Variants in LRRC28 observed in about 807,000 individuals in gnomAD.
LRRC28 encodes the protein leucine-rich repeat-containing protein 28.
LRRC28 carries 39 observed loss-of-function variants against 45.7 expected under a neutral mutation model. That is an observed-to-expected ratio of 0.85 (90% confidence interval 0.66 to 1.12). LRRC28 has a LOEUF of 1.12. Ranked by LOEUF, LRRC28 falls within the 50% of genes most tolerant of loss-of-function variation. The pLI is 0.00. For synonymous variants in LRRC28, 206 were observed against 178.8 expected (o/e 1.15, Z -1.22); for missense variants, 435 against 438.5 (o/e 0.99, Z 0.07).
Position 99,389,146 on chromosome 15 carries a change from C to T in LRRC28, c.*3044C>T, listed in dbSNP as rs1378206444. 6.6e-6 allele frequency: 1 copy of T among 152,212 alleles called. No homozygotes were observed. Among genetic ancestry groups the T allele is most frequent in the Non-Finnish European group, 1.5e-5 (1 of 68,040 alleles). 9.4% of individuals were successfully genotyped at this position (152,212 alleles called of 1,614,324 possible). A position where few individuals can be genotyped will look rare whatever the true frequency, so the allele number is the denominator to read the frequency against. On this transcript the variant is annotated 3_prime_UTR_variant, in exon 10 of 10. Coordinates refer to ENST00000301981, the MANE Select transcript of LRRC28 (RefSeq NM_144598.5). ...AACTTCTTTGTTACCTGACCCTTCT[C>T]TTCTGGAAAAGTGAGGTGTACATTA...
chr15:99,376,189 A>G (rs1957625749), intron 9 of LRRC28, among the ~76,000 whole-genome samples: 2 of 152,106 alleles, frequency 1.3e-5, no homozygotes, highest in Admixed American at 6.5e-5. Context: ...TGTATGTTTT[A>G]AGTTCCTTTG....
At chr15:99,274,517 T>C (rs192377059) in intron 2 of LRRC28, among the ~76,000 whole-genome samples, 31 of 152,324 alleles carry the variant, frequency 2.0e-4, no homozygotes, top group African/African-American at 7.2e-4. Context: ...AGATCTCAAA[T>C]TGTATATAAC....
At chr15:99,367,700 G>A (rs147504447) in intron 9 of LRRC28, among the ~76,000 whole-genome samples, 1 of 152,314 alleles carries the variant, frequency 6.6e-6, no homozygotes, top group African/African-American at 2.4e-5. Context: ...GACGTATAAA[G>A]CAAGGCTTGT....
At chr15:99,276,412 A>G (rs1024670091) in intron 2 of LRRC28, among the ~76,000 whole-genome samples, 164 bp from the exon 3 acceptor site, 4 of 152,148 alleles carry the variant, frequency 2.6e-5, no homozygotes, top group African/African-American at 9.7e-5. Flanking sequence ...TTTAAATTGT[A>G]GTATGGTCTC....
chr15:99,321,337 A>T (rs1343534240), intron 5 of LRRC28, among the ~76,000 whole-genome samples: 3 of 152,202 alleles, frequency 2.0e-5, no homozygotes, highest in Admixed American at 2.0e-4. Flanking sequence ...GTATAGTCTA[A>T]GTTATGCATG....
At chr15:99,338,996 G>A (rs1396804524) in intron 6 of LRRC28, among the ~76,000 whole-genome samples, 1 of 152,218 alleles carries the variant, frequency 6.6e-6, no homozygotes, top group East Asian at 1.9e-4. Flanking sequence ...TCAGCAAGGA[G>A]GAGGGAAAGC....
At position 99,352,439 on chromosome 15, in the gene LRRC28, T is replaced by G. The variant is rs765847519; in HGVS notation, c.663T>G (p.Ser221=). 1.9e-6 allele frequency: 3 copies of G among 1,613,936 alleles called. No individual in the cohort carries two copies. Among genetic ancestry groups the G allele is most frequent in the Non-Finnish European group, 2.5e-6 (3 of 1,179,972 alleles). The change falls in exon 7 of 10, where the codon TCT becomes TCG. Residue 221 remains serine, a synonymous_variant. Transcript: ENST00000301981. Reference sequence around the variant, plus strand: ...ACATTCACCTGAAAGGCTTGCCATCTTATCTGTACAATAAAGTCATCGGGT... The same window carrying G: ...ACATTCACCTGAAAGGCTTGCCATCGTATCTGTACAATAAAGTCATCGGGT... ...DNNIHLKGLP[S]YLYNKVIGCS...
chr15:99,379,502 G>C (rs1304297781), intron 9 of LRRC28, among the ~76,000 whole-genome samples: 4 of 151,998 alleles, frequency 2.6e-5, no homozygotes, highest in Non-Finnish European at 5.9e-5. Context: ...CTCCTGGATT[G>C]ATTGATTTTT....
At chr15:99,333,142 A>G (rs1334625654) in intron 5 of LRRC28, among the ~76,000 whole-genome samples, 1 of 152,194 alleles carries the variant, frequency 6.6e-6, no homozygotes, top group Non-Finnish European at 1.5e-5. Flanking sequence ...GAGAAGGACT[A>G]AGTTCCTTGT....
intron 6 of LRRC28, among the ~76,000 whole-genome samples, chr15:99,341,257 A>G (rs1956502033): frequency 6.6e-6 from 1 of 151,660 alleles, no homozygotes; most frequent in South Asian, 2.1e-4. Context: ...TGGATGGCTA[A>G]TTTTTGTATT....
rs35435895 is a variant in LRRC28 at position 99,292,359 on chromosome 15, C to CTTTT, written c.385+4421_385+4424dup. On this transcript the variant is annotated intron_variant, in intron 5 of 9. Transcript: ENST00000301981. Reference sequence around the variant, plus strand: ...CAGGGGGATTTATTAATCGTACAGTCTTTTTTTTTTTTTTTTGAAACGGAG... The same window carrying CTTTT: ...CAGGGGGATTTATTAATCGTACAGTCTTTTTTTTTTTTTTTTTTTTGAAACGGAG... Among the ~76,000 whole-genome samples the CTTTT allele has an allele frequency of 4.1e-4, 54 of 133,108 alleles. 1 individual carries two copies. The highest frequency in any genetic ancestry group is 9.8e-4 in the African/African-American group (35 of 35,730). The allele number at this position is 133,108 out of a possible 152,430, so 87.3% of individuals were successfully genotyped here.
At chr15:99,272,729 C>G (rs935700967) in intron 2 of LRRC28, among the ~76,000 whole-genome samples, 2 of 151,968 alleles carry the variant, frequency 1.3e-5, no homozygotes, top group Non-Finnish European at 1.5e-5. Flanking sequence ...GAAGAGAATC[C>G]TTGGCTTGAT....
intron 6 of LRRC28, among the ~76,000 whole-genome samples, chr15:99,338,984 T>TA (rs142235029): frequency 0.013 from 1,928 of 152,318 alleles, 35 homozygotes; most frequent in East Asian, 0.051. Flanking sequence ...CAGTGGTGAC[T>TA]ATCAGCAAGG....
intron 5 of LRRC28, among the ~76,000 whole-genome samples, chr15:99,322,618 G>C (rs1955839132): frequency 6.6e-6 from 1 of 152,058 alleles, no homozygotes; most frequent in Non-Finnish European, 1.5e-5. Flanking sequence ...AATAAAATAA[G>C]TGATTAAAAG....
chr15:99,294,504 T>C (rs1430471945), intron 5 of LRRC28, among the ~76,000 whole-genome samples: 1 of 152,200 alleles, frequency 6.6e-6, no homozygotes, highest in Non-Finnish European at 1.5e-5. Context: ...ATAAATGGGG[T>C]AGCTTATAAA....
At position 99,334,095 on chromosome 15, in the gene LRRC28, C is replaced by A; in HGVS notation, c.558C>A (p.Ser186=). 6.2e-7 allele frequency: 1 copy of A among 1,614,106 alleles called. No individual in the cohort carries two copies. Among genetic ancestry groups the A allele is most frequent in the Non-Finnish European group, 8.5e-7 (1 of 1,179,980 alleles). The change falls in exon 6 of 10, where the codon TCC becomes TCA. Residue 186 remains serine (S), a synonymous_variant. Transcript: ENST00000301981. ...AGCTGCCCAGCCTCAATGAGCTCTC[C>A]ATGGCTGGAAACCGTCTTGCATTTT... ...LCQLPSLNEL[S]MAGNRLAFLP... is the part of the protein sequence containing the mutation.
chr15:99,255,013 C>T (rs1425583368), intron 1 of LRRC28, among the ~76,000 whole-genome samples: 1 of 152,176 alleles, frequency 6.6e-6, no homozygotes, highest in Non-Finnish European at 1.5e-5. Context: ...ACTAATGAGA[C>T]TGTGTGGCCC....
chr15:99,341,728 AGCAGTATGAGG>A (rs1207854475), intron 6 of LRRC28, among the ~76,000 whole-genome samples: 1 of 152,212 alleles, frequency 6.6e-6, no homozygotes, highest in Non-Finnish European at 1.5e-5. Context: ...TTAGAAAAAT[AGCAGTATGAGG>A]GCTAGCACCA....
intron 5 of LRRC28, chr15:99,320,857 T>A (rs1340747233): frequency 6.6e-6 from 1 of 152,224 alleles, no homozygotes; most frequent in African/African-American, 2.4e-5. Context: ...CAGATCATTG[T>A]TAATTCCTTC....
Sources: gnomAD v4.1 joint callset for allele counts (sites outside exome capture counted in the v4.1 genomes callset) on GRCh38, gnomAD v4.1.1 for gene constraint, MANE v1.5 for transcripts, NCBI Gene and HGNC (gene_info 2026-07-23, HGNC 2026-07-21) for gene names.